PTPRD: variants seen among roughly 807,000 people sequenced by gnomAD.
The protein encoded by PTPRD is protein tyrosine phosphatase receptor type D.
PTPRD carries 34 observed loss-of-function variants against 214.5 expected under a neutral mutation model. The ratio of observed to expected loss-of-function variants is 0.16; its 90% confidence interval spans 0.12 to 0.21. The LOEUF (loss-of-function observed/expected upper bound fraction) is 0.21, where lower values mean the gene tolerates loss of function less well. PTPRD is among the 10% of genes least tolerant of loss of function. The probability of loss-of-function intolerance (pLI) is 1.00; values close to 1 mark genes in which losing one functional copy is unlikely to be tolerated. For synonymous variants in PTPRD, 1,128 were observed against 845.7 expected, an observed-to-expected ratio of 1.33 and a Z score of -5.79; for missense variants, 2,545 against 2,398.7, an observed-to-expected ratio of 1.06 and a Z score of -1.27.
chr9:8,854,901 CTTCT>C (rs1048268332), intron 11 of PTPRD, among the ~76,000 whole-genome samples: 1 of 152,144 alleles, frequency 6.6e-6, no homozygotes, highest in Admixed American at 6.5e-5. Flanking sequence ...ATTAATGTTC[CTTCT>C]TGTTTATCTT....
chr9:9,873,664 T>C (rs1444821347), intron 5 of PTPRD, among the ~76,000 whole-genome samples: 1 of 152,286 alleles, frequency 6.6e-6, no homozygotes, highest in Admixed American at 6.5e-5. Flanking sequence ...TAGAATGTAG[T>C]TTGCTATTTA....
intron 10 of PTPRD, among the ~76,000 whole-genome samples, chr9:9,066,589 A>C (rs2099734800): frequency 6.6e-6 from 1 of 152,196 alleles, no homozygotes; most frequent in African/African-American, 2.4e-5. Context: ...GACTAAATTA[A>C]GGAACTTGAG....
chr9:8,548,676 A>AT lies in PTPRD; in HGVS notation c.353-19898dup, dbSNP rs71317369. 2.8e-3 allele frequency among the ~76,000 whole-genome samples: 117 copies of AT among 41,110 alleles called. 7 individuals carry two copies. The highest frequency in any genetic ancestry group is 3.8e-3 in the Non-Finnish European group (85 of 22,468). 27.0% of individuals were successfully genotyped at this position (41,110 alleles called of 152,430 possible). ...AGCCATTGCACCCAGCTGGAGCTGG[A>AT]TTTTTTTTTTTTTTTTTTTTTTTTT... On this transcript the variant is annotated intron_variant, in intron 14 of 45. Transcript: ENST00000381196.
intron 11 of PTPRD, among the ~76,000 whole-genome samples, chr9:8,811,185 T>A (rs1466900918): frequency 6.6e-6 from 1 of 152,122 alleles, no homozygotes; most frequent in Non-Finnish European, 1.5e-5. Flanking sequence ...ATGGGCGCAG[T>A]CTTGATCTCA....
intron 10 of PTPRD, among the ~76,000 whole-genome samples, chr9:9,142,399 T>C (rs1010365713): frequency 3.3e-5 from 5 of 152,206 alleles, no homozygotes; most frequent in African/African-American, 1.2e-4. Context: ...CTTACAAATA[T>C]ATTTTCTTCA....
chr9:9,801,153 T>C (rs1323802), intron 5 of PTPRD, among the ~76,000 whole-genome samples: 24,566 of 152,052 alleles, frequency 0.16, 2,132 homozygotes, highest in Non-Finnish European at 0.19. Context: ...ACAACTTTGA[T>C]TTTAGAGGTC....
intron 9 of PTPRD, among the ~76,000 whole-genome samples, chr9:9,271,153 G>T (rs770171596): frequency 3.3e-5 from 5 of 151,118 alleles, no homozygotes; most frequent in Non-Finnish European, 7.4e-5. Context: ...AAAAAAGAAA[G>T]CCACTCTTCA....
chr9:10,525,727 AGTGTGTGT>A (rs398010299), intron 2 of PTPRD, among the ~76,000 whole-genome samples: 5 of 146,962 alleles, frequency 3.4e-5, no homozygotes, highest in South Asian at 2.2e-4. Context: ...AGATTTTCAA[AGTGTGTGT>A]GTGTGTGTGT....
chr9:10,493,215 C>T (rs888138009), intron 2 of PTPRD, among the ~76,000 whole-genome samples: 3 of 152,046 alleles, frequency 2.0e-5, no homozygotes, highest in Non-Finnish European at 4.4e-5. Flanking sequence ...ATCAAGCTAC[C>T]ATTGACTTTC....
chr9:9,016,216 G>A (rs903474429), intron 11 of PTPRD, among the ~76,000 whole-genome samples: 29 of 152,034 alleles, frequency 1.9e-4, no homozygotes, highest in African/African-American at 7.0e-4. Context: ...TATATTAGAT[G>A]TTTTCTCCAC....
chr9:8,615,212 T>G (rs906824840), intron 14 of PTPRD, among the ~76,000 whole-genome samples: 5 of 151,762 alleles, frequency 3.3e-5, no homozygotes, highest in African/African-American at 1.2e-4. Flanking sequence ...TCAATACACA[T>G]GTGTAACTCC....
intron 3 of PTPRD, among the ~76,000 whole-genome samples, chr9:10,260,545 C>T (rs1282822964): frequency 6.6e-6 from 1 of 152,116 alleles, no homozygotes; most frequent in Non-Finnish European, 1.5e-5. Flanking sequence ...TTGATTTTAT[C>T]TTGTGATCCT....
intron 8 of PTPRD, among the ~76,000 whole-genome samples, chr9:9,561,789 C>G (rs1264889784): frequency 6.6e-6 from 1 of 152,168 alleles, no homozygotes; most frequent in Non-Finnish European, 1.5e-5. Context: ...ACTTTTCTTT[C>G]TCTTTCTATC....
chr9:9,018,006 T>A (rs2099543489), intron 11 of PTPRD, among the ~76,000 whole-genome samples: 1 of 152,216 alleles, frequency 6.6e-6, no homozygotes, highest in Admixed American at 6.5e-5. Flanking sequence ...AGTGCAAGTA[T>A]ATGTAATCTA....
chr9:10,065,142 A>AGAAAGAAAGAAC (rs2097852063), intron 3 of PTPRD, among the ~76,000 whole-genome samples: 1 of 35,140 alleles, frequency 2.8e-5, no homozygotes, highest in Non-Finnish European at 5.4e-5. Flanking sequence ...GACTTGGATT[A>AGAAAGAAAGAAC]GAAAGAAAGA....
intron 3 of PTPRD, among the ~76,000 whole-genome samples, chr9:10,041,682 A>AACTT (rs1371754575): frequency 2.0e-5 from 3 of 152,008 alleles, no homozygotes; most frequent in Non-Finnish European, 4.4e-5. Context: ...AAATGTCACT[A>AACTT]ACTTATTTAA....
intron 14 of PTPRD, among the ~76,000 whole-genome samples, chr9:8,600,988 AT>A (rs1280229951): frequency 6.6e-6 from 1 of 152,156 alleles, no homozygotes; most frequent in South Asian, 2.1e-4. Context: ...CCTGGATGGC[AT>A]TTCTAGACCT....
intron 10 of PTPRD, among the ~76,000 whole-genome samples, chr9:9,132,094 G>A (rs565171913): frequency 1.0e-3 from 159 of 152,148 alleles, no homozygotes; most frequent in African/African-American, 2.7e-3. Flanking sequence ...TGTAAGCTCC[G>A]CCTCCCGGGT....
chr9:8,676,281 C>T (rs2097414132), intron 12 of PTPRD, among the ~76,000 whole-genome samples: 1 of 152,056 alleles, frequency 6.6e-6, no homozygotes, highest in Admixed American at 6.6e-5. Flanking sequence ...CTTCTTACAA[C>T]TCCCTAAGCC....
Sources: allele counts gnomAD v4.1 joint callset (sites outside exome capture counted in the v4.1 genomes callset), GRCh38; gene constraint gnomAD v4.1.1; transcripts MANE v1.5; gene names NCBI Gene and HGNC (gene_info 2026-07-23, HGNC 2026-07-21).